Variants in KIF1B observed in about 807,000 individuals in gnomAD.
The protein encoded by KIF1B is kinesin family member 1B, also known as kinesin-like protein KIF1B.
KIF1B carries 76 observed loss-of-function variants against 241.9 expected under a neutral mutation model. That is an observed-to-expected ratio of 0.31 (90% confidence interval 0.26 to 0.38). The LOEUF is 0.38. KIF1B is among the 10% of genes least tolerant of loss of function. KIF1B has a pLI of 1.00. For missense variants in KIF1B, 1,622 were observed against 2,271.4 expected (o/e 0.71, Z 5.81); for synonymous variants, 750 against 796.7 (o/e 0.94, Z 0.99).
At chr1:10,330,575 T>G (rs1651883812) in intron 27 of KIF1B, among the ~76,000 whole-genome samples, 1 of 152,238 alleles carries the variant, frequency 6.6e-6, no homozygotes, top group Non-Finnish European at 1.5e-5. Flanking sequence ...ATATCCATTA[T>G]GAGGTGGCTC....
intron 22 of KIF1B, among the ~76,000 whole-genome samples, chr1:10,319,036 C>T (rs898415844): frequency 2.2e-4 from 33 of 151,762 alleles, no homozygotes; most frequent in Non-Finnish European, 3.8e-4. Context: ...GTGATATTAC[C>T]CTTATTGAAA....
intron 37 of KIF1B, among the ~76,000 whole-genome samples, chr1:10,350,055 C>G (rs1652733383): frequency 6.6e-6 from 1 of 152,178 alleles, no homozygotes; most frequent in Non-Finnish European, 1.5e-5. Context: ...CTTTAGGAGG[C>G]TGAGATGGGC....
At chr1:10,276,531 G>A in intron 12 of KIF1B, 132 bp downstream of exon 12, 1 of 705,054 alleles carries the variant, frequency 1.4e-6, no homozygotes. Context: ...TCATAACAGG[G>A]AAAACTTAGG....
chr1:10,259,326 T>C (rs928179484), intron 4 of KIF1B, among the ~76,000 whole-genome samples: 2 of 151,952 alleles, frequency 1.3e-5, no homozygotes, highest in Non-Finnish European at 2.9e-5. Context: ...TATTTACTTA[T>C]TTATTTGAGA....
In KIF1B at chr1:10,358,102, C is replaced by CAA. The variant is rs541043240; in HGVS notation, c.4056-2812_4056-2811dup. The stretch of plus-strand genomic sequence containing the variant: ...AGAACTTGCTGCAGCAAGTCCAAAG[C>CAA]AAAAAAAAAAAAAAAAGAAAGAAAC... On this transcript the variant is annotated intron_variant, in intron 38 of 48. Transcript: ENST00000676179. 9.4e-5 allele frequency among the ~76,000 whole-genome samples: 8 copies of CAA among 85,140 alleles called. No homozygotes were observed. In the East Asian group the frequency reaches 1.3e-3, roughly 14 times the overall value. The allele number at this position is 85,140 out of a possible 152,430, so 55.9% of individuals were successfully genotyped here.
intron 1 of KIF1B, among the ~76,000 whole-genome samples, chr1:10,220,405 A>AGATAGAT (rs1557644247): frequency 3.1e-3 from 431 of 137,562 alleles, no homozygotes; most frequent in African/African-American, 9.1e-3. Flanking sequence ...GATGATAGAT[A>AGATAGAT]GATAGATAGA....
chr1:10,217,742 C>T (rs918584933), intron 1 of KIF1B, among the ~76,000 whole-genome samples: 15 of 152,066 alleles, frequency 9.9e-5, no homozygotes, highest in Non-Finnish European at 5.9e-5. Context: ...CTCATTTATG[C>T]ACCTGCACAG....
chr1:10,313,191 A>G (rs1050859455), intron 22 of KIF1B, among the ~76,000 whole-genome samples: 5 of 151,172 alleles, frequency 3.3e-5, no homozygotes, highest in African/African-American at 9.8e-5. Flanking sequence ...TCAGCCTCCC[A>G]AGTAGCTGAG....
At chr1:10,355,531 GT>G (rs1652945286) in intron 38 of KIF1B, 1 of 152,516 alleles carries the variant, frequency 6.6e-6, no homozygotes, top group Admixed American at 6.6e-5. Flanking sequence ...AGTAGACCCT[GT>G]TCTGTACCCT....
At chr1:10,270,059 A>AT (rs1171613934) in intron 7 of KIF1B, among the ~76,000 whole-genome samples, 2 of 152,136 alleles carry the variant, frequency 1.3e-5, no homozygotes, top group African/African-American at 2.4e-5. Flanking sequence ...CTGAAGCTTT[A>AT]TTTTTTTACA....
chr1:10,227,726 T>G (rs1164073890), intron 1 of KIF1B: 1 of 154,094 alleles, frequency 6.5e-6, no homozygotes, highest in Non-Finnish European at 1.5e-5. Flanking sequence ...GAGAATCGCT[T>G]GAACCCATGA....
chr1:10,353,726 G>A (rs1377308320), intron 38 of KIF1B, among the ~76,000 whole-genome samples: 1 of 152,278 alleles, frequency 6.6e-6, no homozygotes, highest in South Asian at 2.1e-4. Context: ...CCATAGGAAA[G>A]AGAAAAAAGA....
chr1:10,220,074 T>G (rs1349063359), intron 1 of KIF1B, among the ~76,000 whole-genome samples: 1 of 151,814 alleles, frequency 6.6e-6, no homozygotes, highest in African/African-American at 2.4e-5. Context: ...TGGTGGCACA[T>G]GCCTGTAATC....
Position 10,337,285 on chromosome 1 carries a change from T to A in KIF1B, c.3259+82T>A. On this transcript the variant is annotated intron_variant, in intron 30 of 48. Transcript: ENST00000676179. This position sits in a 1 kb window ranked among gnomAD's most constrained non-coding sequence, Gnocchi z 4.0. ...ACCATTATCAAGGGACATAGTGGCC[T>A]TCATCAACTAGGAATGGAAAGCATG... 5 of 1,611,726 alleles carry A rather than the reference T, an allele frequency of 3.1e-6. No homozygotes were observed. Among genetic ancestry groups the A allele is most frequent in the Non-Finnish European group, 4.2e-6 (5 of 1,177,872 alleles).
At chr1:10,351,748 T>A (rs1652800982) in intron 37 of KIF1B, among the ~76,000 whole-genome samples, 1 of 152,078 alleles carries the variant, frequency 6.6e-6, no homozygotes, top group Non-Finnish European at 1.5e-5. Flanking sequence ...GGAGGATCGT[T>A]TGAGCTCAGG....
intron 12 of KIF1B, 31 bp from the exon 13 acceptor site, chr1:10,277,955 T>C (rs748761517): frequency 1.9e-6 from 3 of 1,603,788 alleles, no homozygotes; most frequent in Non-Finnish European, 2.6e-6. Context: ...ATATGAGAAA[T>C]GACAAGAACA....
chr1:10,333,736 T>C (rs1049430657), intron 27 of KIF1B, among the ~76,000 whole-genome samples: 3 of 152,234 alleles, frequency 2.0e-5, no homozygotes, highest in Admixed American at 1.3e-4. Flanking sequence ...TGCTGTGATA[T>C]GGAATTTATT....
chr1:10,294,156 G>C (rs1254094807), intron 17 of KIF1B, among the ~76,000 whole-genome samples: 1 of 152,014 alleles, frequency 6.6e-6, no homozygotes, highest in Non-Finnish European at 1.5e-5. Context: ...GTAGATTTTG[G>C]CCTCAAGACC....
intron 22 of KIF1B, among the ~76,000 whole-genome samples, chr1:10,316,899 C>T (rs1451588269): frequency 6.6e-6 from 1 of 151,176 alleles, no homozygotes; most frequent in African/African-American, 2.5e-5. Flanking sequence ...ATTTATTAGC[C>T]ACCTTTTTTT....
Sources: allele counts gnomAD v4.1 joint callset (sites outside exome capture counted in the v4.1 genomes callset), GRCh38; gene constraint gnomAD v4.1.1; non-coding constraint Gnocchi (gnomAD v3.1); transcripts MANE v1.5; gene names NCBI Gene and HGNC (gene_info 2026-07-23, HGNC 2026-07-21).